RIT2: variants seen among roughly 807,000 people sequenced by gnomAD.
RIT2 encodes the protein Ras like without CAAX 2, also known as GTP-binding protein Rit2.
In RIT2, 24 loss-of-function variants were observed where a neutral mutation model predicts 23.7. That is an observed-to-expected ratio of 1.01 (90% CI 0.73 to 1.43). The LOEUF is 1.43. RIT2 is among the 40% of genes most tolerant of loss of function. The pLI, the probability that RIT2 is intolerant of heterozygous loss-of-function variation, is 0.00. For missense variants in RIT2, 236 were observed against 266.9 expected (o/e 0.88, Z 0.81); for synonymous variants, 107 against 91.1 (o/e 1.17, Z -0.99).
At chr18:42,768,981 T>C (rs944146190) in intron 4 of RIT2, among the ~76,000 whole-genome samples, 4 of 152,172 alleles carry the variant, frequency 2.6e-5, no homozygotes, top group African/African-American at 4.8e-5. Flanking sequence ...GGCCAGGCTA[T>C]TCAGAGAACT....
At position 43,054,780 on chromosome 18, in the gene RIT2, A is replaced by C. The variant is rs189865563; in HGVS notation, c.104-20913T>G. Among the ~76,000 whole-genome samples the C allele has an allele frequency of 2.1e-3, 321 of 152,166 alleles. 1 individual carries two copies. Among genetic ancestry groups the C allele is most frequent in the African/African-American group, 7.3e-3 (304 of 41,538 alleles). On this transcript the variant is annotated intron_variant, in intron 1 of 4. Coordinates refer to ENST00000326695, the MANE Select transcript of RIT2 (RefSeq NM_002930.4). Reference sequence around the variant, plus strand: ...GTAAATTGGCCATTCTGCTCTTTAAATTGTTTAAATTTGATTAGAATGAAT... The same window carrying C: ...GTAAATTGGCCATTCTGCTCTTTAACTTGTTTAAATTTGATTAGAATGAAT...
intron 4 of RIT2, among the ~76,000 whole-genome samples, chr18:42,840,847 G>A (rs1216545372): frequency 1.3e-5 from 2 of 152,100 alleles, no homozygotes; most frequent in African/African-American, 4.8e-5. Context: ...TCCTAAATGG[G>A]GTATCTATGG....
At chr18:43,062,631 A>G (rs1012706467) in intron 1 of RIT2, among the ~76,000 whole-genome samples, 3 of 152,188 alleles carry the variant, frequency 2.0e-5, no homozygotes, top group African/African-American at 7.2e-5. Context: ...TGAGCTCCAC[A>G]AGACCAAGAT....
chr18:43,040,097 A>G (rs1391538348), intron 1 of RIT2, among the ~76,000 whole-genome samples: 1 of 152,184 alleles, frequency 6.6e-6, no homozygotes, highest in East Asian at 1.9e-4. Flanking sequence ...GTCCGTTCCA[A>G]AAGATTTTAA....
In RIT2 at chr18:42,824,481, G is replaced by T. The variant is rs537519781; in HGVS notation, c.427-80761C>A. ...ACTCCATTGACAATTGCAACAGTAT[G>T]CACAAGATTCATTTCATTGCTACTT... On this transcript the variant is annotated intron_variant, in intron 4 of 4. Coordinates refer to ENST00000326695, the MANE Select transcript of RIT2 (RefSeq NM_002930.4). Among the ~76,000 whole-genome samples, 4 of 152,100 alleles carry T rather than the reference G, an allele frequency of 2.6e-5. No individual in the cohort carries two copies. In the South Asian group the frequency reaches 6.2e-4, roughly 24 times the overall value.
At chr18:43,044,101 C>A (rs555094504) in intron 1 of RIT2, among the ~76,000 whole-genome samples, 2 of 152,172 alleles carry the variant, frequency 1.3e-5, no homozygotes, top group Non-Finnish European at 2.9e-5. Context: ...GTGATAGGAT[C>A]TTTTTAAAGT....
intron 4 of RIT2, among the ~76,000 whole-genome samples, chr18:42,785,132 T>C (rs1030352733): frequency 9.9e-5 from 15 of 152,104 alleles, no homozygotes; most frequent in African/African-American, 3.6e-4. Context: ...GGTATCAGCA[T>C]CTCATAAGTA....
chr18:42,965,711 CTTTTTTTTTTTTTTTTTTT>C (rs58344278), intron 3 of RIT2, among the ~76,000 whole-genome samples: 34 of 37,786 alleles, frequency 9.0e-4, no homozygotes, highest in South Asian at 7.2e-3. Flanking sequence ...GTACTGATGG[CTTTTTTTTTTTTTTTTTTT>C]TTTTTTTTTT....
chr18:43,114,426 G>A (rs766926446), intron 1 of RIT2, among the ~76,000 whole-genome samples: 10 of 151,926 alleles, frequency 6.6e-5, no homozygotes, highest in Non-Finnish European at 1.3e-4. Context: ...TTCTTCTGCC[G>A]AAAATATTGT....
chr18:43,029,724 T>G (rs1162917475), intron 2 of RIT2, among the ~76,000 whole-genome samples: 1 of 151,944 alleles, frequency 6.6e-6, no homozygotes, highest in Non-Finnish European at 1.5e-5. Context: ...AACATAAACA[T>G]TTGTTAAGGA....
At chr18:43,031,723 T>C (rs1037041823) in intron 2 of RIT2, among the ~76,000 whole-genome samples, 2 of 152,060 alleles carry the variant, frequency 1.3e-5, no homozygotes, top group African/African-American at 4.8e-5. Context: ...AAGCCATATA[T>C]ATCTCTCAAT....
chr18:42,802,279 G>A (rs1295511444), intron 4 of RIT2, among the ~76,000 whole-genome samples: 3 of 152,134 alleles, frequency 2.0e-5, no homozygotes, highest in Admixed American at 6.5e-5. Flanking sequence ...TATACAAAAT[G>A]AGAAAGCAGT....
At chr18:42,924,246 T>C (rs542275141) in intron 3 of RIT2, among the ~76,000 whole-genome samples, 1 of 152,220 alleles carries the variant, frequency 6.6e-6, no homozygotes, top group African/African-American at 2.4e-5. Context: ...GGGGAACAAA[T>C]TTTTCTACTC....
At chr18:42,879,058 C>G (rs949435459) in intron 4 of RIT2, among the ~76,000 whole-genome samples, 2 of 152,034 alleles carry the variant, frequency 1.3e-5, no homozygotes, top group Admixed American at 6.6e-5. Flanking sequence ...CATTTTCTCT[C>G]AATATATTTA....
intron 4 of RIT2, among the ~76,000 whole-genome samples, chr18:42,871,030 G>T (rs1907610007): frequency 6.6e-6 from 1 of 152,182 alleles, no homozygotes; most frequent in Middle Eastern, 3.4e-3. Context: ...TTGACTTGTG[G>T]TCTATGTTCT....
intron 1 of RIT2, among the ~76,000 whole-genome samples, chr18:43,051,558 G>A (rs1278045180): frequency 6.6e-6 from 1 of 152,084 alleles, no homozygotes; most frequent in Non-Finnish European, 1.5e-5. Context: ...AATTGGACAT[G>A]TGTGTCTAGA....
At chr18:42,759,712 TACACACAC>T (rs59733922) in intron 4 of RIT2, among the ~76,000 whole-genome samples, 20,995 of 131,386 alleles carry the variant, frequency 0.16, 1,782 homozygotes, top group Middle Eastern at 0.27. Flanking sequence ...GTGTTAAATC[TACACACAC>T]ACACACACAC....
At chr18:42,836,664 G>A (rs1393796184) in intron 4 of RIT2, among the ~76,000 whole-genome samples, 1 of 152,132 alleles carries the variant, frequency 6.6e-6, no homozygotes, top group Non-Finnish European at 1.5e-5. Context: ...AACAGTAATA[G>A]TGAAGAAAAA....
At chr18:42,926,315 T>G (rs920809279) in intron 3 of RIT2, among the ~76,000 whole-genome samples, 1 of 151,962 alleles carries the variant, frequency 6.6e-6, no homozygotes, top group Non-Finnish European at 1.5e-5. Flanking sequence ...TATTTATTAT[T>G]TATGTGTTAT....
Sources: allele counts gnomAD v4.1 joint callset (sites outside exome capture counted in the v4.1 genomes callset), GRCh38; gene constraint gnomAD v4.1.1; transcripts MANE v1.5; gene names NCBI Gene and HGNC (gene_info 2026-07-23, HGNC 2026-07-21).